The following LIPI variants were observed in gnomAD, a reference collection of about 807,000 sequenced individuals.
LIPI encodes the protein lipase member I.
LIPI carries 59 observed loss-of-function variants against 50.6 expected under a neutral mutation model. That is an observed-to-expected ratio of 1.16 (90% CI 0.94 to 1.45). The LOEUF (loss-of-function observed/expected upper bound fraction) is 1.45, where lower values mean the gene tolerates loss of function less well. Ranked by LOEUF, LIPI falls within the 40% of genes most tolerant of loss-of-function variation. The pLI is 0.00. For missense variants in LIPI, 586 were observed against 536.3 expected, an observed-to-expected ratio of 1.09 and a Z score of -0.92; for synonymous variants, 203 against 178.2, an observed-to-expected ratio of 1.14 and a Z score of -1.11.
At chr21:14,169,956 T>G (rs552262655) in intron 4 of LIPI, among the ~76,000 whole-genome samples, 31 of 152,070 alleles carry the variant, frequency 2.0e-4, no homozygotes, top group South Asian at 6.2e-4. Flanking sequence ...ACAAAATTGA[T>G]AGACCGCTAG....
At chr21:14,196,465 G>A (rs409394) in intron 1 of LIPI, among the ~76,000 whole-genome samples, 26,835 of 152,042 alleles carry the variant, frequency 0.18, 2,825 homozygotes, top group South Asian at 0.29. Context: ...GGTGCAGGAA[G>A]TGTTTTATAT....
intron 9 of LIPI, among the ~76,000 whole-genome samples, chr21:14,129,393 T>A (rs1341223980): frequency 2.6e-5 from 4 of 152,116 alleles, no homozygotes; most frequent in African/African-American, 9.7e-5. Context: ...TGTTAAGATG[T>A]GTATTGATTA....
chr21:14,199,157 A>G (rs1374092563), intron 1 of LIPI, among the ~76,000 whole-genome samples: 1 of 152,142 alleles, frequency 6.6e-6, no homozygotes, highest in Admixed American at 6.6e-5. Context: ...AAAGATCTCA[A>G]GTTAACAATC....
chr21:14,144,287 G>A (rs57323895), intron 9 of LIPI: 1,744 of 170,078 alleles, frequency 0.01, 30 homozygotes, highest in African/African-American at 0.039. Flanking sequence ...TTGTGAAAAA[G>A]GACTCTCACC....
intron 2 of LIPI, among the ~76,000 whole-genome samples, chr21:14,187,109 A>C (rs1347382128): frequency 1.3e-5 from 2 of 152,168 alleles, no homozygotes; most frequent in Non-Finnish European, 2.9e-5. Flanking sequence ...TGATGAAATT[A>C]ATTTTATGGA....
chr21:14,155,625 G>A (rs372343423), intron 7 of LIPI, among the ~76,000 whole-genome samples: 1 of 151,950 alleles, frequency 6.6e-6, no homozygotes, highest in East Asian at 1.9e-4. Context: ...AATCATAATG[G>A]ATTTCACATC....
At chr21:14,138,705 A>G (rs1392296526) in intron 9 of LIPI, among the ~76,000 whole-genome samples, 2 of 152,052 alleles carry the variant, frequency 1.3e-5, no homozygotes, top group Non-Finnish European at 2.9e-5. Context: ...CAGCTATTCC[A>G]TAATCAATGT....
intron 4 of LIPI, among the ~76,000 whole-genome samples, chr21:14,175,648 C>T (rs1301478803): frequency 6.6e-6 from 1 of 152,102 alleles, no homozygotes; most frequent in Non-Finnish European, 1.5e-5. Context: ...AATAATAGCT[C>T]ATAAACCATT....
chr21:14,148,124 C>T (rs1424859881), intron 8 of LIPI, among the ~76,000 whole-genome samples: 1 of 152,032 alleles, frequency 6.6e-6, no homozygotes, highest in Non-Finnish European at 1.5e-5. Context: ...ATGCAGAACA[C>T]ATTTCAATCA....
intron 1 of LIPI, among the ~76,000 whole-genome samples, chr21:14,199,702 C>G (rs1568884671): frequency 1.3e-5 from 2 of 151,668 alleles, no homozygotes; most frequent in African/African-American, 4.8e-5. Context: ...CCTACTGAAA[C>G]TGTTCCAGAA....
chr21:14,145,127 T>TAGACCCTTTAACAAATATC (rs11269463), intron 8 of LIPI, among the ~76,000 whole-genome samples: 2 of 151,952 alleles, frequency 1.3e-5, no homozygotes, highest in Admixed American at 1.3e-4. Flanking sequence ...ATGTGTTTTT[T>TAGACCCTTTAACAAATATC]ACAGTTCCTT....
rs1040735887 is a variant in LIPI, at chr21:14,144,819, C to T, written c.1119-20G>A. The T allele has an allele frequency of 9.4e-6, 14 of 1,484,348 alleles. No homozygotes were observed. Among genetic ancestry groups the T allele is most frequent in the Non-Finnish European group, 1.3e-5 (14 of 1,065,418 alleles). The allele number at this position is 1,484,348 out of a possible 1,614,324, so 91.9% of individuals were successfully genotyped here. On this transcript the variant is annotated intron_variant, in intron 8 of 9. Coordinates refer to ENST00000681601, the MANE Select transcript of LIPI (RefSeq NM_001302998.2). ...TTCTTTCTAGAGAGAAAATTTGATACACGCAGCATATTAATAATTTGAAAC... is the reference window on the plus strand; with the variant it reads ...TTCTTTCTAGAGAGAAAATTTGATATACGCAGCATATTAATAATTTGAAAC...
chr21:14,174,948 T>C (rs557935504), intron 4 of LIPI, among the ~76,000 whole-genome samples: 19 of 152,256 alleles, frequency 1.2e-4, no homozygotes, highest in Non-Finnish European at 4.4e-5. Flanking sequence ...ATATTTTATG[T>C]AGGCTTTTGT....
chr21:14,203,326 A>G (rs2020125110), intron 1 of LIPI, among the ~76,000 whole-genome samples: 1 of 152,190 alleles, frequency 6.6e-6, no homozygotes, highest in Non-Finnish European at 1.5e-5. Context: ...CAGCAATCCC[A>G]TTACTGGGTA....
At chr21:14,209,675 A>G (rs1251267379) in intron 1 of LIPI, among the ~76,000 whole-genome samples, 1 of 152,152 alleles carries the variant, frequency 6.6e-6, no homozygotes, top group Non-Finnish European at 1.5e-5. Context: ...CCCAACTGAA[A>G]ATTTAGGCAA....
chr21:14,158,551 A>G (rs1351092971), intron 7 of LIPI, among the ~76,000 whole-genome samples: 1 of 150,198 alleles, frequency 6.7e-6, no homozygotes, highest in Non-Finnish European at 1.5e-5. Flanking sequence ...ATAAACCCAA[A>G]TAGAGTAGAA....
intron 7 of LIPI, among the ~76,000 whole-genome samples, chr21:14,161,495 G>A (rs1250982352): frequency 1.5e-5 from 2 of 130,394 alleles, no homozygotes; most frequent in African/African-American, 5.7e-5. Flanking sequence ...CTAATATATA[G>A]ATATCTATAA....
At chr21:14,176,917 G>A (rs555456129) in intron 4 of LIPI, among the ~76,000 whole-genome samples, 3 of 152,026 alleles carry the variant, frequency 2.0e-5, no homozygotes, top group Non-Finnish European at 4.4e-5. Flanking sequence ...TAGGTATATC[G>A]AAATGTTTGA....
At chr21:14,158,371 A>T (rs1037717902) in intron 7 of LIPI, among the ~76,000 whole-genome samples, 2 of 151,640 alleles carry the variant, frequency 1.3e-5, no homozygotes, top group Non-Finnish European at 3.0e-5. Flanking sequence ...GAGTTCTCTA[A>T]AAAATACATA....
Sources: gnomAD v4.1 joint callset for allele counts (sites outside exome capture counted in the v4.1 genomes callset) on GRCh38, gnomAD v4.1.1 for gene constraint, MANE v1.5 for transcripts, NCBI Gene and HGNC (gene_info 2026-07-23, HGNC 2026-07-21) for gene names.